RBFOX1: variants seen among roughly 807,000 people sequenced by gnomAD.
RBFOX1 encodes the protein RNA binding protein fox-1 homolog 1.
RBFOX1 carries 8 observed loss-of-function variants against 57.7 expected under a neutral mutation model. The ratio of observed to expected loss-of-function variants is 0.14; its 90% confidence interval spans 0.08 to 0.25. RBFOX1 has a LOEUF of 0.25. Ranked by LOEUF, RBFOX1 falls within the 10% of genes least tolerant of loss-of-function variation. The probability of loss-of-function intolerance (pLI) is 1.00; values close to 1 mark genes in which losing one functional copy is unlikely to be tolerated. For missense variants in RBFOX1, 611 were observed against 548.5 expected (o/e 1.11, Z -1.14); for synonymous variants, 326 against 222.4 (o/e 1.47, Z -4.15).
intron 4 of RBFOX1, among the ~76,000 whole-genome samples, chr16:5,966,064 C>T (rs1164683026): frequency 6.6e-6 from 1 of 152,110 alleles, no homozygotes; most frequent in Non-Finnish European, 1.5e-5. Context: ...TTTCTCCAGC[C>T]ATAAAATTCC....
chr16:7,347,261 A>G (rs928710077), intron 4 of RBFOX1, among the ~76,000 whole-genome samples: 4 of 152,216 alleles, frequency 2.6e-5, no homozygotes, highest in Non-Finnish European at 4.4e-5. Flanking sequence ...GGCAATTTGC[A>G]AATGAGAGAG....
At chr16:7,163,245 A>C (rs542103501) in intron 4 of RBFOX1, among the ~76,000 whole-genome samples, 42 of 152,116 alleles carry the variant, frequency 2.8e-4, no homozygotes, top group African/African-American at 9.6e-4. Context: ...TCTTTTGACT[A>C]TTACGTTGTT....
rs547561627 is a variant in RBFOX1 at position 7,193,271 on chromosome 16, G to A, written c.27+141173G>A. Among the ~76,000 whole-genome samples, 4 of 152,280 alleles carry A rather than the reference G, an allele frequency of 2.6e-5. No individual in the cohort carries two copies. The East Asian group carries it at 7.7e-4, about 30-fold the overall frequency. ...ACACATTATTGCTGTCTGTAAGATG[G>A]AAGGAAGCCATGAGCCAAAAGCAGC... On this transcript the variant is annotated intron_variant, in intron 4 of 15. Coordinates refer to ENST00000550418, the MANE Select transcript of RBFOX1 (RefSeq NM_018723.4).
intron 14 of RBFOX1, among the ~76,000 whole-genome samples, chr16:7,698,268 C>A (rs1478499344): frequency 6.6e-6 from 1 of 151,738 alleles, no homozygotes; most frequent in Admixed American, 6.6e-5. Flanking sequence ...TATGCCCCTT[C>A]CACCATGCCA....
intron 2 of RBFOX1, among the ~76,000 whole-genome samples, chr16:6,421,746 C>T (rs1218849427): frequency 6.6e-6 from 1 of 152,040 alleles, no homozygotes; most frequent in African/African-American, 2.4e-5. Flanking sequence ...CTCCATGTAT[C>T]TTTTCAATAC....
intron 3 of RBFOX1, among the ~76,000 whole-genome samples, chr16:6,993,681 G>C (rs1226733671): frequency 3.3e-5 from 5 of 152,124 alleles, no homozygotes; most frequent in South Asian, 2.1e-4. Flanking sequence ...GTGTGCATTA[G>C]GTAATATATT....
At position 7,711,669 on chromosome 16, in the gene RBFOX1, T is replaced by C. The variant is rs1230449474; in HGVS notation, c.*924T>C. On this transcript the variant is annotated 3_prime_UTR_variant, in exon 16 of 16. Coordinates refer to ENST00000550418, the MANE Select transcript of RBFOX1 (RefSeq NM_018723.4). ...CTTTGTACCAGTTAAAAAAAATGTA[T>C]AAAATTTACATCTGTGCAGTGGAGT... The C allele has an allele frequency of 6.6e-6, 1 of 152,626 alleles. No individual in the cohort carries two copies. Among genetic ancestry groups the C allele is most frequent in the African/African-American group, 2.4e-5 (1 of 41,444 alleles). 9.5% of individuals were successfully genotyped at this position (152,626 alleles called of 1,614,324 possible).
intron 3 of RBFOX1, among the ~76,000 whole-genome samples, chr16:5,633,382 G>A (rs12446845): frequency 0.85 from 129,672 of 152,158 alleles, 55,784 homozygotes; most frequent in Non-Finnish European, 0.9. Context: ...AGGGTTACAG[G>A]TGGTTTTTCA....
At chr16:6,985,165 A>G (rs1447216823) in intron 3 of RBFOX1, among the ~76,000 whole-genome samples, 19 of 151,794 alleles carry the variant, frequency 1.3e-4, no homozygotes, top group Admixed American at 1.2e-3. Context: ...CTTCTGTAGC[A>G]TAGTATGGTT....
At chr16:7,493,791 A>C (rs1302981716) in intron 4 of RBFOX1, among the ~76,000 whole-genome samples, 1 of 152,158 alleles carries the variant, frequency 6.6e-6, no homozygotes, top group Non-Finnish European at 1.5e-5. Context: ...AAAAGAGAAT[A>C]TGTTTGCATT....
chr16:5,300,504 G>A (rs2063777537), intron 1 of RBFOX1, among the ~76,000 whole-genome samples: 1 of 152,034 alleles, frequency 6.6e-6, no homozygotes, highest in Admixed American at 6.6e-5. Context: ...CCAAAAACCA[G>A]CTGAGATAAT....
intron 1 of RBFOX1, among the ~76,000 whole-genome samples, chr16:6,258,349 G>T (rs1245021735): frequency 6.6e-6 from 1 of 152,154 alleles, no homozygotes. Context: ...GACCCCATTT[G>T]AGATCATATC....
chr16:6,649,666 C>A (rs376331797), intron 2 of RBFOX1, among the ~76,000 whole-genome samples: 1 of 152,130 alleles, frequency 6.6e-6, no homozygotes, highest in East Asian at 1.9e-4. Flanking sequence ...GTCTCCAGTT[C>A]CATCCAGGTT....
intron 2 of RBFOX1, among the ~76,000 whole-genome samples, chr16:6,454,653 A>T (rs575849801): frequency 1.3e-5 from 2 of 152,316 alleles, no homozygotes; most frequent in South Asian, 4.1e-4. Flanking sequence ...ACTTAAAACC[A>T]GCACTTCACC....
At chr16:6,967,644 G>A (rs1223351126) in intron 3 of RBFOX1, among the ~76,000 whole-genome samples, 1 of 152,062 alleles carries the variant, frequency 6.6e-6, no homozygotes, top group African/African-American at 2.4e-5. Context: ...ACAGCGAAGT[G>A]TGTGTTCAGT....
chr16:6,293,834 A>G (rs2077742410), intron 1 of RBFOX1, among the ~76,000 whole-genome samples: 1 of 103,222 alleles, frequency 9.7e-6, no homozygotes, highest in Admixed American at 9.2e-5. Context: ...CCTCAAATAC[A>G]CTCTCTTCAT....
chr16:5,551,041 G>A (rs2045442261), intron 2 of RBFOX1, among the ~76,000 whole-genome samples: 1 of 152,114 alleles, frequency 6.6e-6, no homozygotes, highest in Non-Finnish European at 1.5e-5. Flanking sequence ...GGGAACTGTG[G>A]GGAGGCAACC....
intron 3 of RBFOX1, among the ~76,000 whole-genome samples, chr16:6,772,382 G>C (rs2078442798): frequency 6.6e-6 from 1 of 152,156 alleles, no homozygotes; most frequent in Non-Finnish European, 1.5e-5. Context: ...CTGCTTCTTT[G>C]GAGGTGGGCA....
At chr16:7,318,814 A>G in intron 4 of RBFOX1, among the ~76,000 whole-genome samples, 1 of 152,136 alleles carries the variant, frequency 6.6e-6, no homozygotes, top group East Asian at 1.9e-4. Context: ...TTCTGCGTAG[A>G]ACAGGTGTGT....
Sources: allele counts gnomAD v4.1 joint callset (sites outside exome capture counted in the v4.1 genomes callset), GRCh38; gene constraint gnomAD v4.1.1; transcripts MANE v1.5; gene names NCBI Gene and HGNC (gene_info 2026-07-23, HGNC 2026-07-21).